FHIT: variants seen among roughly 807,000 people sequenced by gnomAD.
FHIT encodes the protein bis(5'-adenosyl)-triphosphatase.
FHIT carries 19 observed loss-of-function variants against 17.9 expected under a neutral mutation model. The ratio of observed to expected loss-of-function variants is 1.06; its 90% CI spans 0.74 to 1.56. The LOEUF (loss-of-function observed/expected upper bound fraction) is 1.56, where lower values mean the gene tolerates loss of function less well. Among genes scored for constraint, FHIT ranks in the 40% most tolerant of loss-of-function variants. FHIT has a pLI of 0.00. For missense variants in FHIT, 248 were observed against 189.2 expected, an observed-to-expected ratio of 1.31 and a Z score of -1.82; for synonymous variants, 81 against 69.7, an observed-to-expected ratio of 1.16 and a Z score of -0.81.
intron 5 of FHIT, among the ~76,000 whole-genome samples, chr3:60,463,506 T>C (rs919135743): frequency 3.9e-5 from 6 of 152,164 alleles, no homozygotes; most frequent in Admixed American, 1.3e-4. Context: ...ATATACACAT[T>C]ACTCCTCTCC....
chr3:61,008,820 T>G (rs1200926517), intron 3 of FHIT, among the ~76,000 whole-genome samples: 2 of 152,170 alleles, frequency 1.3e-5, no homozygotes, highest in African/African-American at 4.8e-5. Context: ...CCATAGTGCA[T>G]TCTGATATCA....
chr3:60,508,508 T>C (rs1244871386), intron 5 of FHIT, among the ~76,000 whole-genome samples: 1 of 152,188 alleles, frequency 6.6e-6, no homozygotes, highest in African/African-American at 2.4e-5. Flanking sequence ...TTGTGAATCT[T>C]AGGAAAACTC....
intron 2 of FHIT, among the ~76,000 whole-genome samples, chr3:61,151,830 A>AC (rs1195511295): frequency 6.6e-6 from 1 of 152,024 alleles, no homozygotes; most frequent in African/African-American, 2.4e-5. Flanking sequence ...AAACCCGCCC[A>AC]CCTAGGCCTC....
intron 5 of FHIT, among the ~76,000 whole-genome samples, chr3:60,131,064 CATGT>C (rs1699573106): frequency 2.7e-5 from 1 of 37,650 alleles, no homozygotes; most frequent in South Asian, 1.6e-3. Context: ...CATACATACA[CATGT>C]ATGTATGTAT....
chr3:60,317,789 T>C (rs972754440), intron 5 of FHIT, among the ~76,000 whole-genome samples: 1 of 37,976 alleles, frequency 2.6e-5, no homozygotes, highest in Non-Finnish European at 3.7e-5. Context: ...GTTTTTCTTC[T>C]TTTTTTTTTT....
chr3:59,959,495 C>A (rs932679762), intron 7 of FHIT, among the ~76,000 whole-genome samples: 2 of 152,190 alleles, frequency 1.3e-5, no homozygotes, highest in Non-Finnish European at 2.9e-5. Flanking sequence ...CAACTCAAAG[C>A]ATGAAGCATG....
chr3:60,367,991 G>T (rs1374464566), intron 5 of FHIT, among the ~76,000 whole-genome samples: 1 of 152,024 alleles, frequency 6.6e-6, no homozygotes, highest in African/African-American at 2.4e-5. Flanking sequence ...CTTCTTATAG[G>T]TGAAGTATCT....
At chr3:60,128,596 A>G (rs985942377) in intron 5 of FHIT, among the ~76,000 whole-genome samples, 6 of 152,228 alleles carry the variant, frequency 3.9e-5, no homozygotes, top group African/African-American at 1.4e-4. Flanking sequence ...TACAGCAAAC[A>G]ATACCCACCA....
intron 5 of FHIT, among the ~76,000 whole-genome samples, chr3:60,042,912 C>T (rs1313026693): frequency 6.6e-6 from 1 of 152,118 alleles, no homozygotes; most frequent in Non-Finnish European, 1.5e-5. Context: ...GGTACCATTG[C>T]CACCTATTTC....
chr3:60,586,249 G>A (rs1553661877), intron 4 of FHIT, among the ~76,000 whole-genome samples: 1 of 151,950 alleles, frequency 6.6e-6, no homozygotes, highest in Non-Finnish European at 1.5e-5. Context: ...GGTAAGCAGG[G>A]TAGGAGGACA....
chr3:60,945,269 C>A (rs988329683), intron 3 of FHIT, among the ~76,000 whole-genome samples: 1 of 152,020 alleles, frequency 6.6e-6, no homozygotes, highest in East Asian at 1.9e-4. Flanking sequence ...CCAATGTCAA[C>A]AGACTGCAGG....
At chr3:60,773,394 C>G (rs1183657621) in intron 4 of FHIT, among the ~76,000 whole-genome samples, 1 of 152,180 alleles carries the variant, frequency 6.6e-6, no homozygotes, top group African/African-American at 2.4e-5. Flanking sequence ...GTATCTGATA[C>G]CCGTCAATGC....
chr3:61,119,947 G>A (rs2036408257), intron 2 of FHIT, among the ~76,000 whole-genome samples: 1 of 152,168 alleles, frequency 6.6e-6, no homozygotes, highest in African/African-American at 2.4e-5. Flanking sequence ...CAGATCATGG[G>A]ACTTCTCCAC....
intron 7 of FHIT, among the ~76,000 whole-genome samples, chr3:59,966,716 G>A (rs950044665): frequency 5.9e-5 from 9 of 152,158 alleles, no homozygotes; most frequent in African/African-American, 2.2e-4. Context: ...CACTTACCAT[G>A]AATGGAGCTT....
chr3:60,160,090 A>T (rs1414597091), intron 5 of FHIT, among the ~76,000 whole-genome samples: 1 of 151,882 alleles, frequency 6.6e-6, no homozygotes, highest in African/African-American at 2.4e-5. Flanking sequence ...TGCATGACTC[A>T]AATGTTTCAG....
At chr3:60,994,320 A>C (rs1017534111) in intron 3 of FHIT, among the ~76,000 whole-genome samples, 2 of 152,204 alleles carry the variant, frequency 1.3e-5, no homozygotes, top group African/African-American at 4.8e-5. Context: ...GCATGTCTTA[A>C]AGGATGGAGA....
At chr3:60,749,317 G>A (rs531279682) in intron 4 of FHIT, among the ~76,000 whole-genome samples, 54 of 151,900 alleles carry the variant, frequency 3.6e-4, no homozygotes, top group Middle Eastern at 3.4e-3. Context: ...TTTTTTTTCC[G>A]CATCTGTTGA....
chr3:61,187,247 A>T (rs2038544911), intron 2 of FHIT, among the ~76,000 whole-genome samples: 1 of 152,176 alleles, frequency 6.6e-6, no homozygotes, highest in Non-Finnish European at 1.5e-5. Flanking sequence ...CAAAAAGGAG[A>T]TTAGGTACAT....
chr3:60,998,391 TA>T (rs1559897723), intron 3 of FHIT, among the ~76,000 whole-genome samples: 5 of 152,336 alleles, frequency 3.3e-5, no homozygotes, highest in African/African-American at 1.2e-4. Context: ...CTAGTAGGGT[TA>T]AAGCTTTTGA....
Sources: allele counts gnomAD v4.1 joint callset (sites outside exome capture counted in the v4.1 genomes callset), GRCh38; gene constraint gnomAD v4.1.1; transcripts MANE v1.5; gene names NCBI Gene and HGNC (gene_info 2026-07-23, HGNC 2026-07-21).